The following DSTYK variants were observed in gnomAD, a reference collection of about 807,000 sequenced individuals.
DSTYK encodes the protein RIP-homologous kinase.
A neutral mutation model predicts 98.7 loss-of-function variants in DSTYK; 34 were observed. The observed-to-expected ratio is 0.34, with a 90% CI of 0.26 to 0.46. DSTYK has a LOEUF of 0.46. DSTYK is among the 20% of genes least tolerant of loss of function. The probability of loss-of-function intolerance (pLI) is 1.00; values close to 1 mark genes in which losing one functional copy is unlikely to be tolerated. For missense variants in DSTYK, 962 were observed against 1,181.7 expected (o/e 0.81, Z 2.73); for synonymous variants, 462 against 457.3 (o/e 1.01, Z -0.13).
At chr1:205,195,233 C>T (rs1467151787) in intron 1 of DSTYK, among the ~76,000 whole-genome samples, 1 of 152,140 alleles carries the variant, frequency 6.6e-6, no homozygotes, top group Non-Finnish European at 1.5e-5. Flanking sequence ...TTAACTGAGG[C>T]AACCAGTGAC....
At chr1:205,196,273 T>C (rs1310255005) in intron 1 of DSTYK, among the ~76,000 whole-genome samples, 2 of 152,170 alleles carry the variant, frequency 1.3e-5, no homozygotes, top group Non-Finnish European at 2.9e-5. Context: ...AAATCACCAT[T>C]GGGCTGCACA....
rs898533605 is a variant in DSTYK, at chr1:205,151,379, T to A, written c.2353-585A>T. 3.9e-5 allele frequency among the ~76,000 whole-genome samples: 6 copies of A among 152,360 alleles called. No individual in the cohort carries two copies. In the East Asian group the frequency reaches 1.2e-3, roughly 29 times the overall value. The stretch of plus-strand genomic sequence containing the variant: ...CTGTAGTTTTACTTTATAAACTTTT[T>A]AATTTTTTAAGCTTTTTGTTTGACT... On this transcript the variant is annotated intron_variant, in intron 10 of 12. Coordinates refer to ENST00000367162, the MANE Select transcript of DSTYK (RefSeq NM_015375.3).
intron 1 of DSTYK, among the ~76,000 whole-genome samples, chr1:205,193,941 G>A (rs1658787962): frequency 6.6e-6 from 1 of 151,566 alleles, no homozygotes; most frequent in South Asian, 2.1e-4. Context: ...TAGAAAGGTT[G>A]CTCTCTTTTC....
chr1:205,174,000 G>A (rs893477555), intron 2 of DSTYK, among the ~76,000 whole-genome samples: 15 of 152,030 alleles, frequency 9.9e-5, no homozygotes, highest in African/African-American at 9.7e-5. Flanking sequence ...GATTATAGGC[G>A]TGAGCCACCA....
At chr1:205,187,330 T>C (rs1558619316) in intron 2 of DSTYK, 88 bp downstream of exon 2, 13 of 1,418,898 alleles carry the variant, frequency 9.2e-6, no homozygotes, top group Admixed American at 2.5e-5. Flanking sequence ...TCAGACTATA[T>C]ATCATCGAAT....
chr1:205,196,331 A>C (rs1174323411), intron 1 of DSTYK, among the ~76,000 whole-genome samples: 3 of 152,154 alleles, frequency 2.0e-5, no homozygotes, highest in Admixed American at 6.5e-5. Flanking sequence ...CTGAGGCAGG[A>C]GGATCGCTTG....
At chr1:205,197,901 G>A (rs955533863) in intron 1 of DSTYK, among the ~76,000 whole-genome samples, 6 of 152,154 alleles carry the variant, frequency 3.9e-5, no homozygotes, top group African/African-American at 1.2e-4. Context: ...CATTAAATAA[G>A]AAACCACGAA....
At chr1:205,206,334 CAATGGTG>C (rs1659201256) in intron 1 of DSTYK, among the ~76,000 whole-genome samples, 3 of 151,034 alleles carry the variant, frequency 2.0e-5, no homozygotes, top group Non-Finnish European at 2.9e-5. Context: ...GGCTAGAGTG[CAATGGTG>C]CAATCTCGGC....
chr1:205,190,609 C>A (rs1574789260), intron 1 of DSTYK, among the ~76,000 whole-genome samples: 1 of 122,868 alleles, frequency 8.1e-6, no homozygotes, highest in African/African-American at 3.1e-5. Context: ...GAGCGAGACT[C>A]CATCTCAAAA....
chr1:205,155,886 C>T (rs1657544389), intron 10 of DSTYK, among the ~76,000 whole-genome samples: 1 of 152,122 alleles, frequency 6.6e-6, no homozygotes, highest in Non-Finnish European at 1.5e-5. Context: ...GGGCCCAGGG[C>T]CCCCCTGCTG....
rs147390957 is a variant in DSTYK at position 205,145,897 on chromosome 1, G to A, written c.*1661C>T. 6.6e-6 allele frequency: 1 copy of A among 152,146 alleles called. No individual in the cohort carries two copies. Among genetic ancestry groups the A allele is most frequent in the Non-Finnish European group, 1.5e-5 (1 of 68,034 alleles). 9.4% of individuals were successfully genotyped at this position (152,146 alleles called of 1,614,324 possible). A position where few individuals can be genotyped will look rare whatever the true frequency, so the allele number is the denominator to read the frequency against. On this transcript the variant is annotated 3_prime_UTR_variant, in exon 13 of 13. Coordinates refer to ENST00000367162, the MANE Select transcript of DSTYK (RefSeq NM_015375.3). ...AAGGCTTGAAGTCAAGTGCATCTGA[G>A]ATGCACCAATATTTAAATTGTTCCC... is the stretch of plus-strand genomic sequence containing the variant.
chr1:205,211,250 C>A (rs754091976), intron 1 of DSTYK, 21 bp downstream of exon 1: 1 of 1,586,098 alleles, frequency 6.3e-7, no homozygotes, highest in Non-Finnish European at 8.6e-7. Context: ...GCCCTCTCTC[C>A]CTCCGGGCTG....
At chr1:205,189,899 A>G (rs950269255) in intron 1 of DSTYK, among the ~76,000 whole-genome samples, 1 of 152,198 alleles carries the variant, frequency 6.6e-6, no homozygotes, top group Non-Finnish European at 1.5e-5. Flanking sequence ...GTGCAAGGGT[A>G]TTTACTAAAT....
chr1:205,166,847 A>C (rs983335091), intron 3 of DSTYK, among the ~76,000 whole-genome samples: 6 of 152,250 alleles, frequency 3.9e-5, no homozygotes, highest in African/African-American at 1.4e-4. Flanking sequence ...AGTGTAACTT[A>C]AACTAGATAC....
At chr1:205,174,511 TCC>T (rs779367551) in intron 2 of DSTYK, among the ~76,000 whole-genome samples, 1 of 87,028 alleles carries the variant, frequency 1.1e-5, no homozygotes, top group African/African-American at 4.9e-5. Flanking sequence ...AGACTCCGTC[TCC>T]AAAAAAAAAA....
intron 3 of DSTYK, among the ~76,000 whole-genome samples, chr1:205,166,724 C>T (rs1275328925): frequency 1.3e-5 from 2 of 152,230 alleles, no homozygotes; most frequent in African/African-American, 4.8e-5. Context: ...TCAACAACTC[C>T]TCTCGCAGTG....
chr1:205,201,404 G>GAAAAAA (rs1491178320), intron 1 of DSTYK, among the ~76,000 whole-genome samples: 10 of 54,422 alleles, frequency 1.8e-4, no homozygotes, highest in East Asian at 5.7e-4. Context: ...TTTTTTTAAT[G>GAAAAAA]CAAAAAAAAA....
chr1:205,185,475 G>A (rs1658534784), intron 2 of DSTYK, among the ~76,000 whole-genome samples: 1 of 152,100 alleles, frequency 6.6e-6, no homozygotes, highest in African/African-American at 2.4e-5. Context: ...AGTCTCCCCA[G>A]TAGCTGGGAC....
At chr1:205,160,510 AG>A (rs1657686445) in intron 7 of DSTYK, among the ~76,000 whole-genome samples, 1 of 151,886 alleles carries the variant, frequency 6.6e-6, no homozygotes, top group African/African-American at 2.4e-5. Context: ...TAATTTTTAC[AG>A]TTTTATTAGA....
Sources: allele counts gnomAD v4.1 joint callset (sites outside exome capture counted in the v4.1 genomes callset), GRCh38; gene constraint gnomAD v4.1.1; transcripts MANE v1.5; gene names NCBI Gene and HGNC (gene_info 2026-07-23, HGNC 2026-07-21).